Variants in SLC36A1 observed in about 807,000 individuals in gnomAD.
SLC36A1 encodes the protein proton-coupled amino acid transporter 1.
Under a neutral mutation model 47.5 loss-of-function variants are expected in SLC36A1, and 30 were observed. That is an observed-to-expected ratio of 0.63 (90% CI 0.47 to 0.86). The LOEUF (loss-of-function observed/expected upper bound fraction) is 0.86, where lower values mean the gene tolerates loss of function less well. Among genes scored for constraint, SLC36A1 ranks in the 40% least tolerant of loss-of-function variants. SLC36A1 has a pLI of 0.00. For synonymous variants in SLC36A1, 255 were observed against 249.7 expected (o/e 1.02, Z -0.20); for missense variants, 517 against 606.0 (o/e 0.85, Z 1.54).
chr5:151,505,914 T>C, the SLC36A1 span: 1 of 1,589,496 alleles, frequency 6.3e-7, no homozygotes, highest in Non-Finnish European at 8.5e-7. Flanking sequence ...TGCCCGCTTG[T>C]TTTCCATCTC....
the SLC36A1 span, among the ~76,000 whole-genome samples, chr5:151,380,104 A>G: frequency 6.6e-6 from 1 of 152,240 alleles, no homozygotes; most frequent in African/African-American, 2.4e-5. Flanking sequence ...GAAAAGATCA[A>G]TAAAATCTAC....
At chr5:151,510,192 G>T in the SLC36A1 span, 1 of 1,613,654 alleles carries the variant, frequency 6.2e-7, no homozygotes, top group Non-Finnish European at 8.5e-7. Context: ...AAAAAGAAGG[G>T]AGGTGAGAGA....
At chr5:151,540,683 C>T in the SLC36A1 span, 10 of 1,614,108 alleles carry the variant, frequency 6.2e-6, no homozygotes, top group Middle Eastern at 1.6e-4. Flanking sequence ...GCTGTATGCT[C>T]GCGGTCCAGG....
the SLC36A1 span, among the ~76,000 whole-genome samples, chr5:151,407,105 C>T: frequency 3.0e-3 from 447 of 149,808 alleles, 2 homozygotes; most frequent in Non-Finnish European, 4.6e-3. Context: ...ACCTTTGCAG[C>T]GAATGTTACA....
the SLC36A1 span, chr5:151,431,387 C>G: frequency 6.6e-6 from 1 of 152,278 alleles, no homozygotes; most frequent in African/African-American, 2.4e-5. Context: ...CATCCAGGGA[C>G]TGGCAGCTGG....
the SLC36A1 span, chr5:151,553,464 G>C: frequency 1.6e-5 from 21 of 1,287,706 alleles, no homozygotes; most frequent in Non-Finnish European, 2.3e-5. Context: ...ACAGGAACCA[G>C]AGCGTCCTGT....
downstream of SLC36A1, among the ~76,000 whole-genome samples, chr5:151,496,992 C>T (rs532749936): frequency 7.4e-4 from 112 of 152,170 alleles, no homozygotes; most frequent in Middle Eastern, 0.017. Flanking sequence ...TTTCTGTACT[C>T]GATAATTCTA....
chr5:151,520,740 A>G, the SLC36A1 span, among the ~76,000 whole-genome samples: 2 of 152,232 alleles, frequency 1.3e-5, no homozygotes, highest in African/African-American at 4.8e-5. Context: ...CTAGTGACTG[A>G]TGGAGCTAGG....
chr5:151,469,029 G>T (rs933590044), intron 7 of SLC36A1, among the ~76,000 whole-genome samples: 1 of 151,662 alleles, frequency 6.6e-6, no homozygotes, highest in African/African-American at 2.4e-5. Flanking sequence ...GTGAAAATGA[G>T]AATGCATTTT....
chr5:151,430,726 C>A, the SLC36A1 span, among the ~76,000 whole-genome samples: 2 of 152,144 alleles, frequency 1.3e-5, no homozygotes. Context: ...GAAATCAATA[C>A]CATTGTTACT....
downstream of SLC36A1, among the ~76,000 whole-genome samples, chr5:151,495,396 G>C (rs917481785): frequency 6.6e-6 from 1 of 152,130 alleles, no homozygotes; most frequent in Non-Finnish European, 1.5e-5. Flanking sequence ...GGAGGTCCAG[G>C]TCCAGAGCAC....
At chr5:151,474,637 C>T (rs1003010579) in intron 8 of SLC36A1, among the ~76,000 whole-genome samples, 1 of 152,086 alleles carries the variant, frequency 6.6e-6, no homozygotes, top group African/African-American at 2.4e-5. Context: ...TTTCTCTGCC[C>T]TACAACATTG....
At chr5:151,451,351 C>G (rs1341100601) in intron 1 of SLC36A1, among the ~76,000 whole-genome samples, 1 of 152,134 alleles carries the variant, frequency 6.6e-6, no homozygotes, top group Non-Finnish European at 1.5e-5. Flanking sequence ...CCATGCTTGG[C>G]CCCAGGGCTA....
At chr5:151,476,542 C>G in intron 8 of SLC36A1, 48 bp from the exon 9 acceptor site, 1 of 1,367,838 alleles carries the variant, frequency 7.3e-7, no homozygotes, top group African/African-American at 1.5e-5. Context: ...TGGCCATTAA[C>G]TTTTCTTTTT....
the SLC36A1 span, chr5:151,544,054 G>C: frequency 1.2e-6 from 2 of 1,614,172 alleles, no homozygotes; most frequent in East Asian, 2.2e-5. Flanking sequence ...ACCAGTGAGT[G>C]GGGGATCTCC....
the SLC36A1 span, among the ~76,000 whole-genome samples, chr5:151,547,942 G>A: frequency 6.6e-6 from 1 of 152,128 alleles, no homozygotes; most frequent in African/African-American, 2.4e-5. Context: ...ATGAGCATGT[G>A]TTACTTCTAT....
the SLC36A1 span, among the ~76,000 whole-genome samples, chr5:151,430,035 C>A: frequency 4.6e-5 from 7 of 152,238 alleles, no homozygotes; most frequent in African/African-American, 1.7e-4. Context: ...ATTTTGCAAA[C>A]CTTTACTGAG....
chr5:151,439,118 G>C (rs928428049), intron 1 of SLC36A1, among the ~76,000 whole-genome samples: 4 of 44,850 alleles, frequency 8.9e-5, no homozygotes, highest in African/African-American at 6.1e-4. Flanking sequence ...ATGGCAGCAG[G>C]AGAGAGAGAG....
chr5:151,442,218 T>C (rs1007634348), intron 1 of SLC36A1, among the ~76,000 whole-genome samples: 6 of 152,182 alleles, frequency 3.9e-5, no homozygotes, highest in Non-Finnish European at 7.4e-5. Flanking sequence ...GCGATACTTA[T>C]AGATAGTAAA....
Sources: gnomAD v4.1 joint callset for allele counts (sites outside exome capture counted in the v4.1 genomes callset) on GRCh38, gnomAD v4.1.1 for gene constraint, MANE v1.5 for transcripts, NCBI Gene and HGNC (gene_info 2026-07-23, HGNC 2026-07-21) for gene names.